Variants in PCDHGA3 observed in about 807,000 individuals in gnomAD.
PCDHGA3 encodes the protein protocadherin gamma-A3.
In PCDHGA3, 40 loss-of-function variants were observed where a neutral mutation model predicts 58.5. That is an observed-to-expected ratio of 0.68 (90% CI 0.53 to 0.89). The LOEUF is 0.89. Among genes scored for constraint, PCDHGA3 ranks in the 40% least tolerant of loss-of-function variants. The pLI is 0.00. For synonymous variants in PCDHGA3, 530 were observed against 525.7 expected (o/e 1.01, Z -0.11); for missense variants, 1,223 against 1,195.9 (o/e 1.02, Z -0.33).
intron 1 of PCDHGA3, chr5:141,408,678 A>G (rs758302984): frequency 2.5e-6 from 4 of 1,613,862 alleles, no homozygotes; most frequent in African/African-American, 1.3e-5. Context: ...CCTGCCACGG[A>G]TCCTGATATA....
chr5:141,406,781 T>C (rs1054583306), intron 1 of PCDHGA3, among the ~76,000 whole-genome samples: 4 of 152,218 alleles, frequency 2.6e-5, no homozygotes, highest in Non-Finnish European at 5.9e-5. Context: ...CTCTCACTTA[T>C]ATATTATTTC....
At chr5:141,422,198 A>G (rs2096632774) in intron 1 of PCDHGA3, 1 of 1,562,340 alleles carries the variant, frequency 6.4e-7, no homozygotes, top group Non-Finnish European at 8.6e-7. Flanking sequence ...CAAGGCCAAG[A>G]TGGTGGAGGT....
rs1342473418 is a variant in PCDHGA3, at chr5:141,477,702, A to G, written c.2425-17105A>G. On this transcript the variant is annotated intron_variant, in intron 1 of 3. Transcript: ENST00000253812. The surrounding 1 kb of genome is among the most constrained non-coding windows in gnomAD (Gnocchi z 4.9). Reference sequence around the variant, plus strand: ...TCCTTAGTGCCCCTAGACTATGAGGATCGGCGGGAATTTGAATTAACAGCT... The same window carrying G: ...TCCTTAGTGCCCCTAGACTATGAGGGTCGGCGGGAATTTGAATTAACAGCT... The G allele has an allele frequency of 1.9e-6, 3 of 1,613,924 alleles. No individual in the cohort carries two copies. Among genetic ancestry groups the G allele is most frequent in the Non-Finnish European group, 2.5e-6 (3 of 1,180,044 alleles).
At chr5:141,421,705 G>C (rs1249601582) in intron 1 of PCDHGA3, 1 of 1,613,944 alleles carries the variant, frequency 6.2e-7, no homozygotes, top group Non-Finnish European at 8.5e-7. Context: ...TAATGCTAGG[G>C]ATCCAGATGT....
chr5:141,350,906 G>A (rs868300489), intron 1 of PCDHGA3: 5 of 1,613,858 alleles, frequency 3.1e-6, no homozygotes, highest in African/African-American at 1.3e-5. Flanking sequence ...GGATGGCGGG[G>A]ACCCGCCTCT....
chr5:141,403,909 A>G (rs2094466419), intron 1 of PCDHGA3: 1 of 1,613,946 alleles, frequency 6.2e-7, no homozygotes, highest in East Asian at 2.2e-5. Context: ...AAATGGAAAT[A>G]CAAGCTGAAG....
intron 1 of PCDHGA3, chr5:141,372,338 T>A: frequency 6.2e-7 from 1 of 1,613,820 alleles, no homozygotes; most frequent in South Asian, 1.1e-5. Flanking sequence ...CTGTGCGTGA[T>A]GGAGGACAGC....
intron 1 of PCDHGA3, chr5:141,366,052 C>T: frequency 6.2e-7 from 1 of 1,614,248 alleles, no homozygotes; most frequent in Non-Finnish European, 8.5e-7. Context: ...GTTCCACGGG[C>T]GTGGAGCTGG....
chr5:141,374,427 A>G, intron 1 of PCDHGA3: 3 of 1,613,980 alleles, frequency 1.9e-6, no homozygotes, highest in Non-Finnish European at 2.5e-6. Context: ...GATAAACTGA[A>G]TCTTTATCCC....
chr5:141,372,280 C>T, intron 1 of PCDHGA3: 2 of 1,613,164 alleles, frequency 1.2e-6, no homozygotes, highest in Admixed American at 1.7e-5. Flanking sequence ...GTGCGCACGG[C>T]GCGTACCTTG....
rs1263406836 is a variant in PCDHGA3 at position 141,491,918 on chromosome 5, G to A, written c.2425-2889G>A. On this transcript the variant is annotated intron_variant, in intron 1 of 3. Coordinates refer to ENST00000253812, the MANE Select transcript of PCDHGA3 (RefSeq NM_018916.4). The surrounding 1 kb of genome is among the most constrained non-coding windows in gnomAD (Gnocchi z 6.9). ...GCACCGGGGGTGGTGGCGACTGTGGGCGAGGGGAGGTGGGACCGACCCCCA... is the reference window on the plus strand; with the variant it reads ...GCACCGGGGGTGGTGGCGACTGTGGACGAGGGGAGGTGGGACCGACCCCCA... 2 of 1,371,698 alleles carry A rather than the reference G, an allele frequency of 1.5e-6. No homozygotes were observed. Among genetic ancestry groups the A allele is most frequent in the Non-Finnish European group, 1.9e-6 (2 of 1,028,962 alleles). 85.0% of individuals were successfully genotyped at this position (1,371,698 alleles called of 1,614,324 possible).
intron 1 of PCDHGA3, chr5:141,388,359 G>T: frequency 6.2e-7 from 1 of 1,614,026 alleles, no homozygotes; most frequent in South Asian, 1.1e-5. Flanking sequence ...ATCTGCCCAT[G>T]ATGCGGATAT....
At chr5:141,404,399 G>A in intron 1 of PCDHGA3, 2 of 1,613,896 alleles carry the variant, frequency 1.2e-6, no homozygotes, top group Non-Finnish European at 1.7e-6. Context: ...TGATAGCAAT[G>A]AGAATTCTAG....
chr5:141,410,437 G>C, intron 1 of PCDHGA3: 1 of 1,614,040 alleles, frequency 6.2e-7, no homozygotes, highest in Non-Finnish European at 8.5e-7. Context: ...ACTACAGTGA[G>C]GGGACTTTGC....
chr5:141,399,658 T>G (rs766038311), intron 1 of PCDHGA3: 22 of 1,613,572 alleles, frequency 1.4e-5, no homozygotes, highest in South Asian at 4.4e-5. Flanking sequence ...TGGGGTGGTG[T>G]TCGCGCAGCG....
chr5:141,483,904 T>A (rs11750647), intron 1 of PCDHGA3, among the ~76,000 whole-genome samples: 24,531 of 151,676 alleles, frequency 0.16, 2,105 homozygotes, highest in African/African-American at 0.21. Context: ...CTCTGGTGTG[T>A]TTCCCACTCA....
Position 141,476,231 on chromosome 5 carries a change from G to A in PCDHGA3, c.2425-18576G>A. The A allele has an allele frequency of 6.2e-7, 1 of 1,614,084 alleles. No individual in the cohort carries two copies. Among genetic ancestry groups the A allele is most frequent in the Non-Finnish European group, 8.5e-7 (1 of 1,180,034 alleles). On this transcript the variant is annotated intron_variant, in intron 1 of 3. Coordinates refer to ENST00000253812, the MANE Select transcript of PCDHGA3 (RefSeq NM_018916.4). The surrounding 1 kb of genome is among the most constrained non-coding windows in gnomAD (Gnocchi z 7.6). ...CACGGTCATTCACTATGAGATCCCG[G>A]AGGAAAGAGAGAAGGGTTTCGCTGT...
chr5:141,480,240 CA>C lies in PCDHGA3; in HGVS notation c.2425-14552del, dbSNP rs11374694. 4.6e-3 allele frequency among the ~76,000 whole-genome samples: 522 copies of C among 113,846 alleles called. 1 individual carries two copies. Among genetic ancestry groups the C allele is most frequent in the Non-Finnish European group, 5.4e-3 (287 of 52,954 alleles). 74.7% of individuals were successfully genotyped at this position (113,846 alleles called of 152,430 possible). A position where few individuals can be genotyped will look rare whatever the true frequency, so the allele number is the denominator to read the frequency against. ...GCGACATAGTGAGATCCTGTCTCTACAAAAAAAAAAAAAAATGTGTTTTCAT... is the reference window on the plus strand; with the variant it reads ...GCGACATAGTGAGATCCTGTCTCTACAAAAAAAAAAAAAATGTGTTTTCAT... On this transcript the variant is annotated intron_variant, in intron 1 of 3. Coordinates refer to ENST00000253812, the MANE Select transcript of PCDHGA3 (RefSeq NM_018916.4).
chr5:141,441,737 C>CG, intron 1 of PCDHGA3: 1 of 365,242 alleles, frequency 2.7e-6, no homozygotes, highest in South Asian at 2.2e-5. Flanking sequence ...AGGACTAGCT[C>CG]GCGCTCGGCG....
Sources: gnomAD v4.1 joint callset for allele counts (sites outside exome capture counted in the v4.1 genomes callset) on GRCh38, gnomAD v4.1.1 for gene constraint, Gnocchi (gnomAD v3.1) non-coding constraint, MANE v1.5 for transcripts, NCBI Gene and HGNC (gene_info 2026-07-23, HGNC 2026-07-21) for gene names.